Variants in LARP4B observed in about 807,000 individuals in gnomAD.
The protein encoded by LARP4B is La ribonucleoprotein 4B.
LARP4B carries 12 observed loss-of-function variants against 89.8 expected under a neutral mutation model. The observed-to-expected ratio is 0.13, with a 90% CI of 0.09 to 0.22. The LOEUF is 0.22. Ranked by LOEUF, LARP4B falls within the 10% of genes least tolerant of loss-of-function variation. The pLI is 1.00. For missense variants in LARP4B, 757 were observed against 947.7 expected, an observed-to-expected ratio of 0.80 and a Z score of 2.64; for synonymous variants, 367 against 363.3, an observed-to-expected ratio of 1.01 and a Z score of -0.12.
upstream of LARP4B, among the ~76,000 whole-genome samples, chr10:933,469 C>T (rs1830709995): frequency 6.6e-6 from 1 of 152,144 alleles, no homozygotes; most frequent in Non-Finnish European, 1.5e-5. Context: ...GGAAGAAAGC[C>T]TCTCCGGCTT....
chr10:969,086 C>A, the LARP4B span, among the ~76,000 whole-genome samples: 1 of 152,170 alleles, frequency 6.6e-6, no homozygotes. Context: ...GGTAAAACAC[C>A]AGGAACTCTG....
intron 14 of LARP4B, chr10:818,527 C>T (rs1372399266): frequency 3.9e-5 from 6 of 152,274 alleles, no homozygotes; most frequent in Admixed American, 3.9e-4. Flanking sequence ...CTTTGACTTC[C>T]AAGAAAGCAA....
chr10:969,290 A>C, the LARP4B span, among the ~76,000 whole-genome samples: 4 of 151,868 alleles, frequency 2.6e-5, no homozygotes, highest in African/African-American at 9.7e-5. Context: ...CCATCTCCCA[A>C]CTCCACTCCA....
At chr10:846,811 GC>G (rs911846110) in intron 5 of LARP4B, among the ~76,000 whole-genome samples, 2 of 152,126 alleles carry the variant, frequency 1.3e-5, no homozygotes, top group African/African-American at 4.8e-5. Flanking sequence ...AGGAAGAAAA[GC>G]AGCCCAGGAC....
chr10:939,502 C>T, the LARP4B span, among the ~76,000 whole-genome samples: 2 of 152,212 alleles, frequency 1.3e-5, no homozygotes, highest in Non-Finnish European at 2.9e-5. Context: ...TCCTTTGAAA[C>T]TAACACCACT....
chr10:899,957 A>G (rs995595189), intron 1 of LARP4B, among the ~76,000 whole-genome samples: 32 of 152,330 alleles, frequency 2.1e-4, no homozygotes, highest in African/African-American at 7.5e-4. Flanking sequence ...AATTTGTAGA[A>G]AACAGTTTAC....
chr10:884,938 G>A (rs1305070816), intron 2 of LARP4B, among the ~76,000 whole-genome samples: 1 of 152,078 alleles, frequency 6.6e-6, no homozygotes, highest in African/African-American at 2.4e-5. Context: ...TGAGTATCTA[G>A]AGCTATAACA....
chr10:918,632 CAA>C (rs57396015), intron 1 of LARP4B, among the ~76,000 whole-genome samples: 992 of 48,278 alleles, frequency 0.021, 3 homozygotes, highest in African/African-American at 0.07. Context: ...GACCCTGTCT[CAA>C]AAAAAAAAAA....
the LARP4B span, among the ~76,000 whole-genome samples, chr10:973,394 C>T: frequency 1.3e-5 from 2 of 152,034 alleles, no homozygotes; most frequent in African/African-American, 4.8e-5. Context: ...CTCTGTCACC[C>T]AGGCTGGAGT....
intron 7 of LARP4B, among the ~76,000 whole-genome samples, chr10:842,404 G>T (rs1287199398): frequency 6.6e-6 from 1 of 151,930 alleles, no homozygotes; most frequent in African/African-American, 2.4e-5. Context: ...CACCATGTTG[G>T]CCAAGACAGT....
chr10:976,766 GA>G, the LARP4B span, among the ~76,000 whole-genome samples: 1 of 151,362 alleles, frequency 6.6e-6, no homozygotes. Flanking sequence ...GTAATGTGTG[GA>G]CCTGGCCTAG....
At chr10:921,034 G>A (rs1237632156) in intron 1 of LARP4B, among the ~76,000 whole-genome samples, 1 of 152,124 alleles carries the variant, frequency 6.6e-6, no homozygotes, top group East Asian at 1.9e-4. Context: ...AGCACTTTGG[G>A]AGGCCAAGGC....
At chr10:951,593 C>G in the LARP4B span, among the ~76,000 whole-genome samples, 8 of 152,040 alleles carry the variant, frequency 5.3e-5, no homozygotes, top group Non-Finnish European at 8.8e-5. Flanking sequence ...AAAACAATGT[C>G]CACTTTGCCA....
chr10:931,832 T>C (rs1830630154), upstream of LARP4B: 1 of 151,282 alleles, frequency 6.6e-6, no homozygotes, highest in African/African-American at 2.4e-5. Flanking sequence ...CGTCATGGTG[T>C]TGCGGCGCGC....
At chr10:906,856 CTG>C (rs760484327) in intron 1 of LARP4B, among the ~76,000 whole-genome samples, 7 of 152,188 alleles carry the variant, frequency 4.6e-5, no homozygotes, top group Non-Finnish European at 8.8e-5. Flanking sequence ...TGTCATGAAA[CTG>C]TGCAGAAAAC....
intron 1 of LARP4B, among the ~76,000 whole-genome samples, chr10:891,070 TA>T (rs1455403404): frequency 6.6e-6 from 1 of 152,104 alleles, no homozygotes; most frequent in East Asian, 1.9e-4. Context: ...TTAATACCTG[TA>T]TTTTTTTAGA....
upstream of LARP4B, among the ~76,000 whole-genome samples, chr10:936,575 T>C (rs375243604): frequency 4.5e-4 from 68 of 152,216 alleles, 1 homozygote; most frequent in South Asian, 0.012. Flanking sequence ...ACAAAAAAAT[T>C]AGCTGGGCGT....
chr10:976,861 A>G, the LARP4B span, among the ~76,000 whole-genome samples: 24 of 150,436 alleles, frequency 1.6e-4, no homozygotes, highest in South Asian at 1.9e-3. Flanking sequence ...CCGGCCTAGT[A>G]GAAGGTAGGC....
intron 1 of LARP4B, among the ~76,000 whole-genome samples, chr10:901,064 C>A (rs373992501): frequency 1.3e-5 from 2 of 151,398 alleles, no homozygotes; most frequent in East Asian, 3.9e-4. Flanking sequence ...GGATTACAGG[C>A]ACCTGCCACC....
Sources: gnomAD v4.1 joint callset for allele counts (sites outside exome capture counted in the v4.1 genomes callset) on GRCh38, gnomAD v4.1.1 for gene constraint, MANE v1.5 for transcripts, NCBI Gene and HGNC (gene_info 2026-07-23, HGNC 2026-07-21) for gene names.